The following LDLRAD4 variants were observed in gnomAD, a reference collection of about 807,000 sequenced individuals.
LDLRAD4 encodes the protein low density lipoprotein receptor class A domain containing 4, also known as low-density lipoprotein receptor class A domain-containing protein 4.
Under a neutral mutation model 17.0 loss-of-function variants are expected in LDLRAD4, and 5 were observed. The ratio of observed to expected loss-of-function variants is 0.29; its 90% CI spans 0.15 to 0.62. The LOEUF (loss-of-function observed/expected upper bound fraction) is 0.62, where lower values mean the gene tolerates loss of function less well. Ranked by LOEUF, LDLRAD4 falls within the 20% of genes least tolerant of loss-of-function variation. The probability of loss-of-function intolerance (pLI) is 0.84; values close to 1 mark genes in which losing one functional copy is unlikely to be tolerated. For missense variants in LDLRAD4, 340 were observed against 424.7 expected, an observed-to-expected ratio of 0.80 and a Z score of 1.75; for synonymous variants, 168 against 171.8, an observed-to-expected ratio of 0.98 and a Z score of 0.17.
At chr18:13,538,342 T>TCTCA (rs1489864067) in intron 3 of LDLRAD4, among the ~76,000 whole-genome samples, 1 of 152,242 alleles carries the variant, frequency 6.6e-6, no homozygotes, top group Non-Finnish European at 1.5e-5. Flanking sequence ...TTTAGCTGTA[T>TCTCA]CTCACAAATT....
At chr18:13,264,201 G>A (rs1042242762) in intron 1 of LDLRAD4, among the ~76,000 whole-genome samples, 3 of 152,212 alleles carry the variant, frequency 2.0e-5, no homozygotes, top group Admixed American at 6.5e-5. Context: ...GGCTGGTTGC[G>A]GGATGGACCT....
At chr18:13,470,041 T>C (rs540708921) in intron 3 of LDLRAD4, among the ~76,000 whole-genome samples, 10 of 152,298 alleles carry the variant, frequency 6.6e-5, no homozygotes, top group African/African-American at 2.2e-4. Flanking sequence ...ATTAACAACA[T>C]TGAGTTTTAT....
rs139122952 is a variant in LDLRAD4, at chr18:13,583,424, G to A, written c.182-37693G>A. Among the ~76,000 whole-genome samples, 33 of 152,212 alleles carry A rather than the reference G, an allele frequency of 2.2e-4. No individual in the cohort carries two copies. In the East Asian group the frequency reaches 4.8e-3, roughly 22 times the overall value. ...TGTTACCGAGACCTAGGGGAGGGAC[G>A]TGGTGGTCACGGCACCAACTTTGAG... is the stretch of plus-strand genomic sequence containing the variant. On this transcript the variant is annotated intron_variant, in intron 3 of 5. Coordinates refer to ENST00000359446, the Ensembl canonical transcript of LDLRAD4.
chr18:13,467,540 AG>A (rs1363607368), intron 3 of LDLRAD4, among the ~76,000 whole-genome samples: 1 of 152,258 alleles, frequency 6.6e-6, no homozygotes, highest in East Asian at 1.9e-4. Context: ...ATGGGTAAGA[AG>A]ACTTAGTATA....
intron 2 of LDLRAD4, among the ~76,000 whole-genome samples, chr18:13,402,118 G>A (rs1410734396): frequency 6.6e-6 from 1 of 152,160 alleles, no homozygotes. Flanking sequence ...ATTAAATACC[G>A]TCTTTTAAAA....
intron 3 of LDLRAD4, among the ~76,000 whole-genome samples, chr18:13,510,359 C>G (rs7241042): frequency 0.011 from 1,640 of 152,254 alleles, 25 homozygotes; most frequent in African/African-American, 0.038. Context: ...CTCCTGGGGC[C>G]TCAGTTTCTC....
intron 1 of LDLRAD4, among the ~76,000 whole-genome samples, chr18:13,248,311 T>C (rs1320600436): frequency 6.6e-6 from 1 of 152,226 alleles, no homozygotes; most frequent in Non-Finnish European, 1.5e-5. Flanking sequence ...TAAAACAAAA[T>C]GTCTGACAGA....
chr18:13,443,432 G>C (rs1403651548), intron 3 of LDLRAD4, among the ~76,000 whole-genome samples: 2 of 152,182 alleles, frequency 1.3e-5, no homozygotes, highest in Non-Finnish European at 2.9e-5. Context: ...GCAAATGCCA[G>C]ACGCTTCTAT....
At chr18:13,335,514 C>T (rs2082064599) in intron 1 of LDLRAD4, among the ~76,000 whole-genome samples, 1 of 152,216 alleles carries the variant, frequency 6.6e-6, no homozygotes, top group African/African-American at 2.4e-5. Flanking sequence ...TACATTGTCA[C>T]TAGTTATTAC....
chr18:13,331,673 G>C (rs925482505), intron 1 of LDLRAD4, among the ~76,000 whole-genome samples: 2 of 152,076 alleles, frequency 1.3e-5, no homozygotes, highest in Non-Finnish European at 2.9e-5. Context: ...ACTTGATTAT[G>C]TTTTGCCCTT....
At chr18:13,473,950 A>T (rs2092865664) in intron 3 of LDLRAD4, among the ~76,000 whole-genome samples, 1 of 151,948 alleles carries the variant, frequency 6.6e-6, no homozygotes, top group African/African-American at 2.4e-5. Flanking sequence ...GGAGTCTGGT[A>T]GGAGGTGGTT....
chr18:13,224,430 A>G (rs1367758013), intron 1 of LDLRAD4, among the ~76,000 whole-genome samples: 1 of 149,248 alleles, frequency 6.7e-6, no homozygotes, highest in Non-Finnish European at 1.5e-5. Context: ...GGAGGGATCC[A>G]GTTCATCCCA....
intron 1 of LDLRAD4, among the ~76,000 whole-genome samples, chr18:13,329,388 A>G (rs2081723564): frequency 6.6e-6 from 1 of 152,118 alleles, no homozygotes; most frequent in Non-Finnish European, 1.5e-5. Flanking sequence ...TTTAATTTGC[A>G]TTTATTTTTA....
At chr18:13,556,328 G>T (rs1017549744) in intron 3 of LDLRAD4, among the ~76,000 whole-genome samples, 2 of 152,222 alleles carry the variant, frequency 1.3e-5, no homozygotes, top group African/African-American at 4.8e-5. Context: ...AAGTACTTCT[G>T]AGTTGACAGA....
intron 1 of LDLRAD4, among the ~76,000 whole-genome samples, chr18:13,303,746 C>A (rs540647243): frequency 3.5e-4 from 53 of 152,304 alleles, no homozygotes; most frequent in African/African-American, 1.2e-3. Context: ...AGATGAAAAA[C>A]CCCCAAAATA....
intron 1 of LDLRAD4, among the ~76,000 whole-genome samples, chr18:13,364,156 A>G (rs769102203): frequency 4.6e-5 from 7 of 152,232 alleles, no homozygotes; most frequent in Non-Finnish European, 7.3e-5. Flanking sequence ...CAAAAGATAT[A>G]TATGCAGAAT....
chr18:13,318,396 G>A (rs1196073086), intron 1 of LDLRAD4, among the ~76,000 whole-genome samples: 1 of 151,962 alleles, frequency 6.6e-6, no homozygotes, highest in Non-Finnish European at 1.5e-5. Flanking sequence ...TGAGTAGCTG[G>A]GACTACAGGT....
At chr18:13,530,671 C>T (rs569691692) in intron 3 of LDLRAD4, among the ~76,000 whole-genome samples, 3 of 152,316 alleles carry the variant, frequency 2.0e-5, no homozygotes, top group Admixed American at 1.3e-4. Flanking sequence ...TGCCCTGGCA[C>T]GATAAAACAT....
At chr18:13,394,437 G>T (rs982647459) in intron 2 of LDLRAD4, among the ~76,000 whole-genome samples, 1 of 152,174 alleles carries the variant, frequency 6.6e-6, no homozygotes, top group Non-Finnish European at 1.5e-5. Context: ...TTACTTGAGT[G>T]TGTACAACAT....
Sources: allele counts gnomAD v4.1 joint callset (sites outside exome capture counted in the v4.1 genomes callset), GRCh38; gene constraint gnomAD v4.1.1; transcripts MANE v1.5; gene names NCBI Gene and HGNC (gene_info 2026-07-23, HGNC 2026-07-21).